Variants in KLHL5 observed in about 807,000 individuals in gnomAD.
KLHL5 encodes the protein kelch like family member 5.
Under a neutral mutation model 77.7 loss-of-function variants are expected in KLHL5, and 48 were observed. The observed-to-expected ratio is 0.62, with a 90% CI of 0.49 to 0.79. The LOEUF is 0.79. Ranked by LOEUF, KLHL5 falls within the 30% of genes least tolerant of loss-of-function variation. The pLI, the probability that KLHL5 is intolerant of heterozygous loss-of-function variation, is 0.00. For synonymous variants in KLHL5, 260 were observed against 297.0 expected, an observed-to-expected ratio of 0.88 and a Z score of 1.28; for missense variants, 723 against 859.7, an observed-to-expected ratio of 0.84 and a Z score of 1.99.
Position 39,124,661 on chromosome 4 carries a change from T to G in KLHL5, c.*3595T>G, listed in dbSNP as rs185986150. Among the ~76,000 whole-genome samples, 4 of 151,840 alleles carry G rather than the reference T, an allele frequency of 2.6e-5. No individual in the cohort carries two copies. The East Asian group carries it at 5.8e-4, about 22-fold the overall frequency. ...CTGTACTTCATACCATATATAAAAA[T>G]TAATTCAAAATAGATCAAAGACCTA... On this transcript the variant is annotated 3_prime_UTR_variant, in exon 11 of 11. Transcript: ENST00000504108.
intron 8 of KLHL5, among the ~76,000 whole-genome samples, chr4:39,112,430 A>G (rs991422205): frequency 1.3e-5 from 2 of 152,198 alleles, no homozygotes; most frequent in Non-Finnish European, 2.9e-5. Context: ...TGACTGTCCA[A>G]CTGTTCATTA....
chr4:39,074,586 GA>G (rs983505341), intron 1 of KLHL5, among the ~76,000 whole-genome samples: 1 of 152,168 alleles, frequency 6.6e-6, no homozygotes, highest in Non-Finnish European at 1.5e-5. Flanking sequence ...TTCTCAGGCG[GA>G]AAAAAGAATA....
At position 39,112,942 on chromosome 4, in the gene KLHL5, A is replaced by G. The variant is rs1195794652; in HGVS notation, c.1689-78A>G. 2.4e-6 allele frequency: 3 copies of G among 1,272,838 alleles called. No homozygotes were observed. The East Asian group carries it at 7.0e-5, about 30-fold the overall frequency. The allele number at this position is 1,272,838 out of a possible 1,614,324, so 78.8% of individuals were successfully genotyped here. ...GATGGCACCTTAAATTCAATGAGAT[A>G]ACAACATAAGAAGAGCCTCTTTGTT... On this transcript the variant is annotated intron_variant, in intron 8 of 10. Transcript: ENST00000504108.
At chr4:39,058,677 CTTTAT>C (rs532074356), upstream of KLHL5, among the ~76,000 whole-genome samples, 121 of 152,040 alleles carry the variant, frequency 8.0e-4, no homozygotes, top group African/African-American at 2.8e-3. Context: ...AAATTAGATT[CTTTAT>C]TTTATAATTT....
intron 4 of KLHL5, among the ~76,000 whole-genome samples, chr4:39,084,534 C>G (rs1361733074): frequency 2.0e-5 from 3 of 152,148 alleles, no homozygotes; most frequent in Non-Finnish European, 4.4e-5. Context: ...CAAATTAATA[C>G]TTTTGAAAAA....
chr4:39,085,024 T>C (rs903830679), intron 4 of KLHL5, among the ~76,000 whole-genome samples: 4 of 152,190 alleles, frequency 2.6e-5, no homozygotes, highest in African/African-American at 7.2e-5. Context: ...GCTTACAAAT[T>C]ATTATTAAGG....
intron 1 of KLHL5, among the ~76,000 whole-genome samples, chr4:39,073,939 T>C (rs558448684): frequency 6.6e-6 from 1 of 152,194 alleles, no homozygotes; most frequent in South Asian, 2.1e-4. Context: ...GTGCTGGGAT[T>C]ATAGTACCTG....
Position 39,062,379 on chromosome 4 carries a change from G to T in KLHL5, c.-274G>T. 5 of 1,446,632 alleles carry T rather than the reference G, an allele frequency of 3.5e-6. No individual in the cohort carries two copies. The highest frequency in any genetic ancestry group is 4.5e-6 in the Non-Finnish European group (5 of 1,107,122). 89.6% of individuals were successfully genotyped at this position (1,446,632 alleles called of 1,614,324 possible). A position where few individuals can be genotyped will look rare whatever the true frequency, so the allele number is the denominator to read the frequency against. On this transcript the variant is annotated 5_prime_UTR_variant, in exon 1 of 11. Coordinates refer to ENST00000504108, the MANE Select transcript of KLHL5 (RefSeq NM_015990.5). ...ATGGGAAAGGAGAGCCGGGAAAGTG[G>T]TCTAGCTGCTTCAGGATAGGTGGAT...
chr4:39,062,920 G>A lies in KLHL5; in HGVS notation c.268G>A (p.Val90Ile), dbSNP rs752247083. 1.2e-6 allele frequency: 2 copies of A among 1,614,144 alleles called. No homozygotes were observed. Among genetic ancestry groups the A allele is most frequent in the Admixed American group, 3.3e-5 (2 of 60,010 alleles). The change falls in exon 1 of 11, where the codon GTC (valine) becomes ATC (isoleucine). Residue 90 changes from valine to isoleucine, a missense_variant. Physicochemically the swap from Val to Ile is conservative, Grantham distance 29. This residue lies in a region of KLHL5 where 221 missense variants were observed against 222.1 expected (regional missense o/e 1.00). Transcript: ENST00000504108. ...PSWPMASTSE[V>I]PAFEFTAEDC... is the part of the protein sequence containing the mutation. ...TTGGCCAATGGCATCCACCTCTGAA[G>A]TCCCTGCATTTGAGTTTACAGCAGA... is the stretch of plus-strand genomic sequence containing the variant.
At chr4:39,067,674 CTTTT>C (rs11356460) in intron 1 of KLHL5, among the ~76,000 whole-genome samples, 3 of 132,750 alleles carry the variant, frequency 2.3e-5, no homozygotes, top group Admixed American at 7.5e-5. Context: ...ACCCATAACT[CTTTT>C]TTTTTTTTTT....
At chr4:39,101,946 A>C (rs1014265281) in intron 6 of KLHL5, among the ~76,000 whole-genome samples, 1 of 77,480 alleles carries the variant, frequency 1.3e-5, no homozygotes, top group East Asian at 4.8e-4. Context: ...ATATATACAC[A>C]CATATATATA....
At chr4:39,085,436 T>A (rs1719957671) in intron 4 of KLHL5, among the ~76,000 whole-genome samples, 3 of 152,188 alleles carry the variant, frequency 2.0e-5, no homozygotes, top group Admixed American at 2.0e-4. Flanking sequence ...CTAGCTCTAA[T>A]TTAAACAGCT....
intron 10 of KLHL5, chr4:39,115,687 C>T: frequency 1.6e-6 from 2 of 1,253,872 alleles, no homozygotes; most frequent in South Asian, 2.1e-5. Flanking sequence ...CTTTGAACAA[C>T]TTGCCCATGT....
At chr4:39,063,093 TTAAA>T in intron 1 of KLHL5, 58 bp downstream of exon 1, 3 of 1,229,354 alleles carry the variant, frequency 2.4e-6, no homozygotes, top group Non-Finnish European at 3.3e-6. Flanking sequence ...TATAATGTTT[TTAAA>T]TAATTTAGTA....
chr4:39,092,052 C>A (rs762007567), intron 5 of KLHL5, among the ~76,000 whole-genome samples: 2 of 151,832 alleles, frequency 1.3e-5, no homozygotes, highest in African/African-American at 2.4e-5. Context: ...TTTGAGGGGA[C>A]AGTTTTAGAG....
intron 10 of KLHL5, 121 bp downstream of exon 10, chr4:39,115,451 C>T (rs1722768854): frequency 2.6e-6 from 4 of 1,536,772 alleles, no homozygotes; most frequent in South Asian, 1.2e-5. Flanking sequence ...ATGACAATCA[C>T]GTTTTGATTA....
At chr4:39,093,048 T>G in intron 5 of KLHL5, 1 of 455,260 alleles carries the variant, frequency 2.2e-6, no homozygotes, top group Non-Finnish European at 4.4e-6. Flanking sequence ...GACTTGGACA[T>G]AAACGTTCTT....
At chr4:39,101,569 C>T (rs1048062281) in intron 6 of KLHL5, among the ~76,000 whole-genome samples, 16 of 152,016 alleles carry the variant, frequency 1.1e-4, no homozygotes, top group South Asian at 4.2e-4. Flanking sequence ...AGGTAAAGGC[C>T]GGGCAAAATG....
Position 39,081,200 on chromosome 4 carries a change from C to G in KLHL5, c.664C>G (p.Pro222Ala), listed in dbSNP as rs1352146648. 1 of 1,611,826 alleles carries G rather than the reference C, an allele frequency of 6.2e-7. No homozygotes were observed. The highest frequency in any genetic ancestry group is 1.7e-5 in the Admixed American group (1 of 59,684). ...AGAAATAAAAATGGAAGGTGTAGAA[C>G]CAAATTCGTTGTGGTCCTTGATCCA... ...QEEIKMEGVE[P>A]NSLWSLIQYA... Residue 222 changes from proline to alanine, a missense_variant, in exon 3 of 11, where the codon CCA becomes GCA. Pro to Ala is a conservative substitution (Grantham distance 27, BLOSUM62 -1). Around this residue, in one of 3 missense-constraint regions of KLHL5, gnomAD observed 288 missense variants for 400.3 expected, o/e 0.72. Transcript: ENST00000504108. The surrounding 1 kb of genome is among the most constrained non-coding windows in gnomAD (Gnocchi z 4.3).
Sources: allele counts gnomAD v4.1 joint callset (sites outside exome capture counted in the v4.1 genomes callset), GRCh38; gene constraint gnomAD v4.1.1; regional missense constraint gnomAD v4.1.1; non-coding constraint Gnocchi (gnomAD v3.1); transcripts MANE v1.5; gene names NCBI Gene and HGNC (gene_info 2026-07-23, HGNC 2026-07-21).